Variants in TANC1 observed in about 807,000 individuals in gnomAD.
TANC1 encodes the protein protein TANC1.
TANC1 carries 77 observed loss-of-function variants against 149.7 expected under a neutral mutation model. That is an observed-to-expected ratio of 0.51 (90% CI 0.43 to 0.62). The LOEUF is 0.62. Among genes scored for constraint, TANC1 ranks in the 20% least tolerant of loss-of-function variants. The pLI, the probability that TANC1 is intolerant of heterozygous loss-of-function variation, is 0.00. For missense variants in TANC1, 1,985 were observed against 2,321.8 expected, an observed-to-expected ratio of 0.85 and a Z score of 2.98; for synonymous variants, 854 against 925.0, an observed-to-expected ratio of 0.92 and a Z score of 1.39.
intron 2 of TANC1, among the ~76,000 whole-genome samples, chr2:159,028,686 T>A (rs910070654): frequency 9.9e-5 from 15 of 152,222 alleles, no homozygotes; most frequent in Non-Finnish European, 2.9e-5. Context: ...CTTTCAACAA[T>A]TCTCCATTTT....
intron 11 of TANC1, among the ~76,000 whole-genome samples, chr2:159,174,430 G>C (rs573194322): frequency 6.6e-6 from 1 of 152,232 alleles, no homozygotes; most frequent in South Asian, 2.1e-4. Context: ...GATGCAGTGT[G>C]GGTGTGGGGA....
intron 19 of TANC1, among the ~76,000 whole-genome samples, chr2:159,203,743 T>A (rs532117274): frequency 7.9e-5 from 12 of 152,236 alleles, no homozygotes; most frequent in African/African-American, 2.4e-4. Context: ...ATTTTTGTAT[T>A]TTTTTGTAGA....
At chr2:158,970,792 A>G (rs1454820666) in intron 1 of TANC1, among the ~76,000 whole-genome samples, 1 of 152,236 alleles carries the variant, frequency 6.6e-6, no homozygotes, top group Non-Finnish European at 1.5e-5. Flanking sequence ...TGGAAGCAGG[A>G]AAAGTCCACA....
chr2:158,985,958 T>C (rs1212942085), intron 1 of TANC1, among the ~76,000 whole-genome samples: 1 of 152,306 alleles, frequency 6.6e-6, no homozygotes, highest in South Asian at 2.1e-4. Context: ...CCCCCTTTGA[T>C]TGGTTGTCGT....
intron 13 of TANC1, among the ~76,000 whole-genome samples, chr2:159,177,867 T>C (rs1158740437): frequency 6.6e-6 from 1 of 152,260 alleles, no homozygotes; most frequent in East Asian, 1.9e-4. Flanking sequence ...GTTTTGTTTC[T>C]GGGTGCTGGT....
chr2:159,038,831 C>G (rs2040404246), intron 2 of TANC1, among the ~76,000 whole-genome samples: 1 of 152,002 alleles, frequency 6.6e-6, no homozygotes, highest in South Asian at 2.1e-4. Context: ...GTGTCTCTGC[C>G]CAGCTTTGGT....
At chr2:158,987,828 G>A (rs993324673) in intron 1 of TANC1, among the ~76,000 whole-genome samples, 1 of 152,188 alleles carries the variant, frequency 6.6e-6, no homozygotes, top group African/African-American at 2.4e-5. Context: ...ACCTGGACTT[G>A]AGCTAGTACC....
At chr2:158,974,148 C>G (rs1473804538) in intron 1 of TANC1, among the ~76,000 whole-genome samples, 1 of 152,168 alleles carries the variant, frequency 6.6e-6, no homozygotes, top group Non-Finnish European at 1.5e-5. Flanking sequence ...ATTCTGTGTT[C>G]TGGTCCTCCT....
intron 4 of TANC1, among the ~76,000 whole-genome samples, chr2:159,102,617 C>T (rs1200545081): frequency 8.0e-6 from 1 of 125,368 alleles, no homozygotes; most frequent in Non-Finnish European, 1.7e-5. Flanking sequence ...TTATCACGAG[C>T]AATTTCCAGT....
intron 2 of TANC1, among the ~76,000 whole-genome samples, chr2:159,053,104 T>G (rs1478265621): frequency 6.6e-6 from 1 of 150,574 alleles, no homozygotes; most frequent in Non-Finnish European, 1.5e-5. Flanking sequence ...CATTTGAGAC[T>G]AGATTTGTTA....
chr2:159,213,255 C>T (rs780533455), intron 19 of TANC1, among the ~76,000 whole-genome samples: 4 of 152,078 alleles, frequency 2.6e-5, no homozygotes, highest in Non-Finnish European at 5.9e-5. Flanking sequence ...AAAAGTACCC[C>T]AAGCCTTATG....
intron 14 of TANC1, among the ~76,000 whole-genome samples, chr2:159,180,164 A>G (rs1286813853): frequency 6.6e-6 from 1 of 152,164 alleles, no homozygotes; most frequent in Non-Finnish European, 1.5e-5. Flanking sequence ...TGGGGCTGTT[A>G]TTATTTTCTT....
chr2:159,218,990 T>C (rs1396315297), intron 20 of TANC1, among the ~76,000 whole-genome samples: 1 of 152,168 alleles, frequency 6.6e-6, no homozygotes, highest in Non-Finnish European at 1.5e-5. Context: ...ACCATTTCTC[T>C]CTGGTATGTG....
rs73002935 is a variant in TANC1 at position 159,149,523 on chromosome 2, C to G, written c.495+251C>G. The G allele has an allele frequency of 4.7e-3, 2,268 of 482,108 alleles. 39 individuals carry two copies. Among genetic ancestry groups the G allele is most frequent in the African/African-American group, 0.038 (1,940 of 51,252 alleles). The allele number at this position is 482,108 out of a possible 1,614,324, so 29.9% of individuals were successfully genotyped here. A position where few individuals can be genotyped will look rare whatever the true frequency, so the allele number is the denominator to read the frequency against. On this transcript the variant is annotated intron_variant, in intron 6 of 26. Coordinates refer to ENST00000263635, the MANE Select transcript of TANC1 (RefSeq NM_033394.3). ...CTAGTCACCACCCAGAGAATAATGGCCACATGAATTAAAGAGGCTAAAAGA... is the reference window on the plus strand; with the variant it reads ...CTAGTCACCACCCAGAGAATAATGGGCACATGAATTAAAGAGGCTAAAAGA...
intron 4 of TANC1, among the ~76,000 whole-genome samples, chr2:159,107,159 C>G (rs988467386): frequency 3.3e-5 from 5 of 152,158 alleles, no homozygotes; most frequent in Non-Finnish European, 7.3e-5. Context: ...TCCTGAGTAG[C>G]TGGGACTAAA....
intron 2 of TANC1, among the ~76,000 whole-genome samples, chr2:159,006,771 AG>A (rs2037222713): frequency 6.6e-6 from 1 of 152,248 alleles, no homozygotes; most frequent in East Asian, 1.9e-4. Context: ...AGATATTGAC[AG>A]AAAGTTATAT....
Position 159,230,145 on chromosome 2 carries a change from T to C in TANC1, c.4719T>C (p.Thr1573=). 1 of 1,613,754 alleles carries C rather than the reference T, an allele frequency of 6.2e-7. No individual in the cohort carries two copies. Among genetic ancestry groups the C allele is most frequent in the Non-Finnish European group, 8.5e-7 (1 of 1,179,832 alleles). ...PSPMPGRIAA[T]PAGSRTQHLE... ...CCATGCCAGGGAGAATCGCTGCCAC[T>C]CCTGCTGGGAGCAGAACCCAGCATT... is the stretch of plus-strand genomic sequence containing the variant. Residue 1573 remains threonine, a synonymous_variant, in exon 27 of 27, where the codon ACT becomes ACC. Coordinates refer to ENST00000263635, the MANE Select transcript of TANC1 (RefSeq NM_033394.3). The surrounding 1 kb of genome is among the most constrained non-coding windows in gnomAD (Gnocchi z 4.4).
intron 14 of TANC1, among the ~76,000 whole-genome samples, chr2:159,180,759 A>G (rs141991149): frequency 7.7e-4 from 117 of 152,390 alleles, no homozygotes; most frequent in African/African-American, 2.7e-3. Context: ...GATTCAGTTC[A>G]GCAACAGTTT....
chr2:159,193,499 C>T (rs2057617104), intron 16 of TANC1, among the ~76,000 whole-genome samples: 1 of 152,154 alleles, frequency 6.6e-6, no homozygotes, highest in Non-Finnish European at 1.5e-5. Flanking sequence ...TGACTGATCA[C>T]ATGGCCGTTC....
Sources: gnomAD v4.1 joint callset for allele counts (sites outside exome capture counted in the v4.1 genomes callset) on GRCh38, gnomAD v4.1.1 for gene constraint, Gnocchi (gnomAD v3.1) non-coding constraint, MANE v1.5 for transcripts, NCBI Gene and HGNC (gene_info 2026-07-23, HGNC 2026-07-21) for gene names.